TTC38: variants seen among roughly 807,000 people sequenced by gnomAD.
The protein encoded by TTC38 is tetratricopeptide repeat domain 38.
In TTC38, 64 loss-of-function variants were observed where a neutral mutation model predicts 64.2. That is an observed-to-expected ratio of 1.00 (90% CI 0.81 to 1.23). The LOEUF is 1.23. Among genes scored for constraint, TTC38 ranks in the 50% most tolerant of loss-of-function variants. The pLI, the probability that TTC38 is intolerant of heterozygous loss-of-function variation, is 0.00. For synonymous variants in TTC38, 254 were observed against 249.3 expected, an observed-to-expected ratio of 1.02 and a Z score of -0.18; for missense variants, 573 against 615.5, an observed-to-expected ratio of 0.93 and a Z score of 0.73.
Position 46,287,204 on chromosome 22 carries a change from TGAG to T in TTC38, c.916+54_916+56del, listed in dbSNP as rs780027299. ...GCTTCTGCCTCTTCCTCCCACATCA[TGAG>T]GAGAGGGTGCTGTGGCCTAGGCCCA... On this transcript the variant is annotated intron_variant, in intron 10 of 13. Transcript: ENST00000381031. 6 of 1,496,096 alleles carry T rather than the reference TGAG, an allele frequency of 4.0e-6. No homozygotes were observed. In the South Asian group the frequency reaches 5.9e-5, roughly 15 times the overall value. The allele number at this position is 1,496,096 out of a possible 1,614,324, so 92.7% of individuals were successfully genotyped here. A position where few individuals can be genotyped will look rare whatever the true frequency, so the allele number is the denominator to read the frequency against.
In TTC38 at chr22:46,282,874, G is replaced by T. The variant is rs2077544742; in HGVS notation, c.736-1099G>T. 6.6e-6 allele frequency among the ~76,000 whole-genome samples: 1 copy of T among 152,176 alleles called. No individual in the cohort carries two copies. Among genetic ancestry groups the T allele is most frequent in the African/African-American group, 2.4e-5 (1 of 41,452 alleles). On this transcript the variant is annotated intron_variant, in intron 7 of 13. Coordinates refer to ENST00000381031, the MANE Select transcript of TTC38 (RefSeq NM_017931.4). The surrounding 1 kb of genome is among the most constrained non-coding windows in gnomAD (Gnocchi z 4.4). ...ACCACCCACTCCCCTGGCTCTCGGGGCTTTGCCAGCACCTGTTGGAGTGTG... is the reference window on the plus strand; with the variant it reads ...ACCACCCACTCCCCTGGCTCTCGGGTCTTTGCCAGCACCTGTTGGAGTGTG...
At position 46,284,013 on chromosome 22, in the gene TTC38, C is replaced by T. The variant is rs2147797127; in HGVS notation, c.776C>T (p.Ala259Val). 1 of 1,596,860 alleles carries T rather than the reference C, an allele frequency of 6.3e-7. No individual in the cohort carries two copies. Among genetic ancestry groups the T allele is most frequent in the African/African-American group, 1.4e-5 (1 of 73,744 alleles). Reference protein sequence around the residue: ...MLACHNYWHWALYLIEKGEYE... With the variant: ...MLACHNYWHWVLYLIEKGEYE... ...GCTTGTCATAACTATTGGCACTGGG[C>T]TTTATATCTGATTGAGAAGGTAAGG... The change falls in exon 8 of 14, where the codon GCT (alanine) becomes GTT (valine). Residue 259 changes from alanine to valine, a missense_variant. By Grantham distance (64) the Ala-to-Val change is moderately conservative (BLOSUM62 0). This residue lies in a region of TTC38 where 371 missense variants were observed against 381.8 expected (regional missense o/e 0.97). Transcript: ENST00000381031.
intron 10 of TTC38, among the ~76,000 whole-genome samples, chr22:46,288,214 T>TA (rs2077585063): frequency 6.6e-6 from 1 of 152,188 alleles, no homozygotes; most frequent in Non-Finnish European, 1.5e-5. Flanking sequence ...GCTTCCTACT[T>TA]ACGCGTCTAT....
At chr22:46,280,085 T>C (rs527646992) in intron 6 of TTC38, 13 of 470,322 alleles carry the variant, frequency 2.8e-5, no homozygotes, top group Non-Finnish European at 5.7e-5. Flanking sequence ...ACTCTTTGTC[T>C]TCAACACCAG....
chr22:46,291,800 C>G lies in TTC38; in HGVS notation c.1317-991C>G, dbSNP rs2077617952. On this transcript the variant is annotated intron_variant, in intron 13 of 13. Coordinates refer to ENST00000381031, the MANE Select transcript of TTC38 (RefSeq NM_017931.4). This position sits in a 1 kb window ranked among gnomAD's most constrained non-coding sequence, Gnocchi z 4.6. ...TGAAACTCCGCCTCTACTAAAAATA[C>G]AAAAAATTAGCCGGGCGTGGTGGTG... 6.6e-6 allele frequency among the ~76,000 whole-genome samples: 1 copy of G among 152,096 alleles called. No individual in the cohort carries two copies. The highest frequency in any genetic ancestry group is 2.4e-5 in the African/African-American group (1 of 41,420).
Position 46,287,260 on chromosome 22 carries a change from C to T in TTC38, c.916+106C>T, listed in dbSNP as rs182148055. On this transcript the variant is annotated intron_variant, in intron 10 of 13. Transcript: ENST00000381031. ...GTTGGGCAAGAGCTCATGGGTGAGC[C>T]GCTCCAGACCCCTCTGCAGGCCTGG... 8.0e-5 allele frequency: 75 copies of T among 932,364 alleles called. No individual in the cohort carries two copies. The Admixed American group carries it at 1.1e-3, about 13-fold the overall frequency. The allele number at this position is 932,364 out of a possible 1,614,324, so 57.8% of individuals were successfully genotyped here.
intron 10 of TTC38, 65 bp from the exon 11 acceptor site, chr22:46,288,358 G>A: frequency 6.6e-7 from 1 of 1,511,974 alleles, no homozygotes; most frequent in African/African-American, 1.4e-5. Flanking sequence ...CGTGAGGGAG[G>A]CCCTTGCACG....
Position 46,293,268 on chromosome 22 carries a change from T to C in TTC38, c.*384T>C. On this transcript the variant is annotated 3_prime_UTR_variant, in exon 14 of 14. Transcript: ENST00000381031. This position sits in a 1 kb window ranked among gnomAD's most constrained non-coding sequence, Gnocchi z 6.6. The stretch of plus-strand genomic sequence containing the variant: ...CCAGAGGCAGCCTCCCCCCACTGCC[T>C]GTCCCCGTCCCCACCAGGCTGCCCT... 1 of 227,194 alleles carries C rather than the reference T, an allele frequency of 4.4e-6. No homozygotes were observed. The highest frequency in any genetic ancestry group is 9.0e-6 in the Non-Finnish European group (1 of 110,574). 14.1% of individuals were successfully genotyped at this position (227,194 alleles called of 1,614,324 possible).
Position 46,273,996 on chromosome 22 carries a change from G to C in TTC38, c.292G>C (p.Glu98Gln). 6.2e-7 allele frequency: 1 copy of C among 1,614,230 alleles called. No homozygotes were observed. Among genetic ancestry groups the C allele is most frequent in the East Asian group, 2.2e-5 (1 of 44,886 alleles). ...GGACCTGGCTGTGAAGACAATGGTGGAGATTTCAAGAACCCAGCCGCTGAC... is the reference window on the plus strand; with the variant it reads ...GGACCTGGCTGTGAAGACAATGGTGCAGATTTCAAGAACCCAGCCGCTGAC... ...ELDLAVKTMV[E>Q]ISRTQPLTRR... Residue 98 changes from glutamate (E) to glutamine (Q), a missense_variant, in exon 4 of 14, where the codon GAG becomes CAG. By Grantham distance (29) the Glu-to-Gln change is conservative. This residue lies in a region of TTC38 where 134 missense variants were observed against 126.5 expected (regional missense o/e 1.06). Transcript: ENST00000381031. This position sits in a 1 kb window ranked among gnomAD's most constrained non-coding sequence, Gnocchi z 5.1.
intron 8 of TTC38, among the ~76,000 whole-genome samples, chr22:46,284,626 C>T (rs2077558130): frequency 1.3e-5 from 2 of 152,038 alleles, no homozygotes. Context: ...TGCCTGTAAT[C>T]CCAGCACTTT....
intron 11 of TTC38, among the ~76,000 whole-genome samples, chr22:46,289,056 C>T (rs78835293): frequency 0.011 from 1,731 of 152,346 alleles, 26 homozygotes; most frequent in African/African-American, 0.036. Flanking sequence ...CATTCCCTTC[C>T]GGGGGTGATG....
chr22:46,281,754 ATTCAG>A lies in TTC38; in HGVS notation c.735+38_735+42del, dbSNP rs1444577577. ...TGTCAATGGGTCACCTCCCTGGGAAATTCAGTGCATCCCCTTGAGTCAGGCCAAGG... is the reference window on the plus strand; with the variant it reads ...TGTCAATGGGTCACCTCCCTGGGAAATGCATCCCCTTGAGTCAGGCCAAGG... On this transcript the variant is annotated intron_variant, in intron 7 of 13. Transcript: ENST00000381031. This position sits in a 1 kb window ranked among gnomAD's most constrained non-coding sequence, Gnocchi z 5.2. 1 of 1,612,210 alleles carries A rather than the reference ATTCAG, an allele frequency of 6.2e-7. No homozygotes were observed. The highest frequency in any genetic ancestry group is 8.5e-7 in the Non-Finnish European group (1 of 1,179,678).
intron 11 of TTC38, among the ~76,000 whole-genome samples, 167 bp downstream of exon 11, chr22:46,288,755 C>T (rs2077590353): frequency 6.6e-6 from 1 of 152,062 alleles, no homozygotes; most frequent in Non-Finnish European, 1.5e-5. Flanking sequence ...GATGTGCATC[C>T]CCTGGTGCAG....
intron 9 of TTC38, among the ~76,000 whole-genome samples, chr22:46,286,677 A>G (rs2077574130): frequency 6.6e-6 from 1 of 151,438 alleles, no homozygotes; most frequent in African/African-American, 2.4e-5. Context: ...AAAAAAAAAA[A>G]GAAAGAAAGA....
chr22:46,286,057 C>A (rs554481676), intron 9 of TTC38, among the ~76,000 whole-genome samples: 21 of 148,714 alleles, frequency 1.4e-4, no homozygotes, highest in Admixed American at 1.1e-3. Context: ...GCATTAAGTG[C>A]ATTCACATTT....
rs1224943928 is a variant in TTC38, at chr22:46,275,272, A to G, written c.390A>G (p.Leu130=). 5 of 1,613,850 alleles carry G rather than the reference A, an allele frequency of 3.1e-6. No individual in the cohort carries two copies. Among genetic ancestry groups the G allele is most frequent in the Non-Finnish European group, 4.2e-6 (5 of 1,179,982 alleles). ...GGAACTTTCCGAAAGCCTGTGAACT[A>G]TGGGAACAGATTCTCCAGGACCACC... The part of the protein sequence containing the change: ...ANGNFPKACE[L]WEQILQDHPT... The change falls in exon 5 of 14, where the codon CTA becomes CTG. Residue 130 remains leucine, a synonymous_variant. Coordinates refer to ENST00000381031, the MANE Select transcript of TTC38 (RefSeq NM_017931.4). The surrounding 1 kb of genome is among the most constrained non-coding windows in gnomAD (Gnocchi z 4.5).
intron 2 of TTC38, among the ~76,000 whole-genome samples, chr22:46,269,511 C>G (rs1045082334): frequency 2.6e-5 from 4 of 152,222 alleles, no homozygotes; most frequent in Admixed American, 2.0e-4. Context: ...GAACCTGGGC[C>G]TAACTGCACT....
chr22:46,281,676 G>A lies in TTC38; in HGVS notation c.693G>A (p.Lys231=), dbSNP rs201722854. Residue 231 remains lysine, a synonymous_variant, in exon 7 of 14, where the codon AAG becomes AAA. Transcript: ENST00000381031. This position sits in a 1 kb window ranked among gnomAD's most constrained non-coding sequence, Gnocchi z 5.2. ...AHIHEMKAEI[K]DGLEFMQHSE... Reference sequence around the variant, plus strand: ...TCCACGAGATGAAAGCAGAGATCAAGGATGGGTTGGAATTCATGCAGCACT... The same window carrying A: ...TCCACGAGATGAAAGCAGAGATCAAAGATGGGTTGGAATTCATGCAGCACT... The A allele has an allele frequency of 1.1e-4, 171 of 1,614,164 alleles. 1 individual carries two copies. The highest frequency in any genetic ancestry group is 1.4e-4 in the Non-Finnish European group (164 of 1,180,034).
chr22:46,289,991 C>G, intron 13 of TTC38, 92 bp downstream of exon 13: 2 of 1,116,164 alleles, frequency 1.8e-6, no homozygotes, highest in South Asian at 1.2e-5. Flanking sequence ...ACCCTTGGCC[C>G]GAGATGCTCC....
Sources: gnomAD v4.1 joint callset for allele counts (sites outside exome capture counted in the v4.1 genomes callset) on GRCh38, gnomAD v4.1.1 for gene constraint, gnomAD v4.1.1 regional missense constraint, Gnocchi (gnomAD v3.1) non-coding constraint, MANE v1.5 for transcripts, NCBI Gene and HGNC (gene_info 2026-07-23, HGNC 2026-07-21) for gene names.